The following STX8 variants were observed in gnomAD, a reference collection of about 807,000 sequenced individuals.
The protein encoded by STX8 is syntaxin 8, also known as syntaxin-8.
In STX8, 23 loss-of-function variants were observed where a neutral mutation model predicts 37.5. The ratio of observed to expected loss-of-function variants is 0.61; its 90% CI spans 0.44 to 0.87. The LOEUF (loss-of-function observed/expected upper bound fraction) is 0.87. Among genes scored for constraint, STX8 ranks in the 40% least tolerant of loss-of-function variants. The pLI is 0.00. For synonymous variants in STX8, 115 were observed against 99.1 expected (o/e 1.16, Z -0.95); for missense variants, 313 against 284.7 (o/e 1.10, Z -0.71).
At chr17:9,536,361 G>A (rs1023700305) in intron 4 of STX8, among the ~76,000 whole-genome samples, 12 of 152,116 alleles carry the variant, frequency 7.9e-5, no homozygotes, top group African/African-American at 2.9e-4. Context: ...AAGCCCTGAC[G>A]GCATCACTGG....
chr17:9,536,418 G>A (rs1005047601), intron 4 of STX8, among the ~76,000 whole-genome samples: 3 of 152,108 alleles, frequency 2.0e-5, no homozygotes, highest in Admixed American at 6.6e-5. Flanking sequence ...CTTACTTCAC[G>A]GGATGTTTTT....
intron 7 of STX8, among the ~76,000 whole-genome samples, chr17:9,307,297 C>T (rs578096137): frequency 6.6e-6 from 1 of 152,318 alleles, no homozygotes; most frequent in South Asian, 2.1e-4. Flanking sequence ...ACTAGGCTGA[C>T]GATCCTGACT....
rs540467784 is a variant in STX8 at position 9,458,182 on chromosome 17, C to T, written c.541+33647G>A. 3.9e-5 allele frequency among the ~76,000 whole-genome samples: 6 copies of T among 152,312 alleles called. No individual in the cohort carries two copies. In the South Asian group the frequency reaches 8.3e-4, roughly 21 times the overall value. Reference sequence around the variant, plus strand: ...TTTATTTTTTTGAGATGGAGTCTCGCTCTGTCGTCCAGGCTGGAGTGCAGT... The same window carrying T: ...TTTATTTTTTTGAGATGGAGTCTCGTTCTGTCGTCCAGGCTGGAGTGCAGT... On this transcript the variant is annotated intron_variant, in intron 6 of 7. Transcript: ENST00000306357.
At position 9,396,146 on chromosome 17, in the gene STX8, A is replaced by T. The variant is rs1027627646; in HGVS notation, c.542-17493T>A. ...ATTTTCCATTATTTTAGAAGACTGG[A>T]ATCCTGATGATAATGTGCTCAGCTC... On this transcript the variant is annotated intron_variant, in intron 6 of 7. Transcript: ENST00000306357. 2.3e-4 allele frequency among the ~76,000 whole-genome samples: 35 copies of T among 152,242 alleles called. 1 individual carries two copies.
chr17:9,539,663 AC>A (rs112638421), intron 4 of STX8, among the ~76,000 whole-genome samples: 5,236 of 149,842 alleles, frequency 0.035, 117 homozygotes, highest in Non-Finnish European at 0.053. Context: ...AACCCAACTG[AC>A]CCCCCCCACC....
In STX8 at chr17:9,455,567, A is replaced by G. The variant is rs910133197; in HGVS notation, c.541+36262T>C. On this transcript the variant is annotated intron_variant, in intron 6 of 7. Coordinates refer to ENST00000306357, the MANE Select transcript of STX8 (RefSeq NM_004853.3). ...AATAGTGAAGGCTTTGGTGGCTACAAGAAAAGGCACAGCAAGGAAAATATT... is the reference window on the plus strand; with the variant it reads ...AATAGTGAAGGCTTTGGTGGCTACAGGAAAAGGCACAGCAAGGAAAATATT... Among the ~76,000 whole-genome samples the G allele has an allele frequency of 3.9e-5, 6 of 152,210 alleles. 1 individual carries two copies. The highest frequency in any genetic ancestry group is 2.6e-4 in the Admixed American group (4 of 15,276).
intron 7 of STX8, among the ~76,000 whole-genome samples, chr17:9,353,889 A>C (rs1261440841): frequency 1.3e-5 from 2 of 152,182 alleles, no homozygotes; most frequent in African/African-American, 4.8e-5. Context: ...TATTTTATCA[A>C]AATGATTAAT....
At chr17:9,455,709 G>A (rs953813272) in intron 6 of STX8, among the ~76,000 whole-genome samples, 5 of 152,044 alleles carry the variant, frequency 3.3e-5, no homozygotes, top group African/African-American at 1.2e-4. Context: ...GGGAAGAAAA[G>A]GAGAAACTTA....
intron 7 of STX8, among the ~76,000 whole-genome samples, chr17:9,280,093 C>T (rs1024710122): frequency 3.9e-5 from 6 of 152,088 alleles, no homozygotes; most frequent in Admixed American, 6.5e-5. Context: ...TGGTGGTGCA[C>T]GCCTCTAGTC....
chr17:9,328,056 C>T (rs1909837418), intron 7 of STX8, among the ~76,000 whole-genome samples: 1 of 150,994 alleles, frequency 6.6e-6, no homozygotes, highest in Non-Finnish European at 1.5e-5. Context: ...CTCCCCCCAC[C>T]CCCTCTCTCT....
At chr17:9,324,561 G>A (rs544728701) in intron 7 of STX8, among the ~76,000 whole-genome samples, 1 of 151,956 alleles carries the variant, frequency 6.6e-6, no homozygotes, top group African/African-American at 2.4e-5. Flanking sequence ...TCAGGAGTTC[G>A]AGACCAGCCT....
At chr17:9,337,001 T>C (rs1567789159) in intron 7 of STX8, among the ~76,000 whole-genome samples, 1 of 152,152 alleles carries the variant, frequency 6.6e-6, no homozygotes. Context: ...TGGAATGAGG[T>C]AGTCCTAACA....
At chr17:9,281,502 G>A (rs1907881444) in intron 7 of STX8, among the ~76,000 whole-genome samples, 1 of 152,062 alleles carries the variant, frequency 6.6e-6, no homozygotes, top group Non-Finnish European at 1.5e-5. Flanking sequence ...TTCTTCCACT[G>A]GGATTACAGA....
rs111247885 is a variant in STX8 at position 9,375,084 on chromosome 17, A to G, written c.643+3468T>C. ...GTCTCAAAAAAAAAAAAAAAAAAAAAAAGAAGAATTTTCTTTTTTCAGTAT... is the reference window on the plus strand; with the variant it reads ...GTCTCAAAAAAAAAAAAAAAAAAAAGAAGAAGAATTTTCTTTTTTCAGTAT... On this transcript the variant is annotated intron_variant, in intron 7 of 7. Transcript: ENST00000306357. Among the ~76,000 whole-genome samples, 625 of 149,286 alleles carry G rather than the reference A, an allele frequency of 4.2e-3. 3 individuals are homozygous for G. Among genetic ancestry groups the G allele is most frequent in the African/African-American group, 0.014 (558 of 39,414 alleles).
At chr17:9,350,332 T>A (rs1910664179) in intron 7 of STX8, among the ~76,000 whole-genome samples, 1 of 152,194 alleles carries the variant, frequency 6.6e-6, no homozygotes, top group Non-Finnish European at 1.5e-5. Context: ...AATTTTCCAT[T>A]TAATATTTTA....
chr17:9,347,581 C>T (rs545777751), intron 7 of STX8, among the ~76,000 whole-genome samples: 9 of 152,212 alleles, frequency 5.9e-5, no homozygotes, highest in African/African-American at 1.9e-4. Flanking sequence ...AGTGGCACGA[C>T]GTCAGCTCAT....
At chr17:9,536,105 T>C (rs541323930) in intron 4 of STX8, among the ~76,000 whole-genome samples, 1 of 152,360 alleles carries the variant, frequency 6.6e-6, no homozygotes, top group East Asian at 1.9e-4. Context: ...ATTACTTATG[T>C]TGAGGAGAAG....
chr17:9,509,762 C>A lies in STX8; in HGVS notation c.324-4600G>T, dbSNP rs539188963. On this transcript the variant is annotated intron_variant, in intron 4 of 7. Coordinates refer to ENST00000306357, the MANE Select transcript of STX8 (RefSeq NM_004853.3). ...AAAACAATAAAATGACAAGATAAGT[C>A]CTCACCTATTAATAATAACCTTGAA... Among the ~76,000 whole-genome samples, 18 of 151,720 alleles carry A rather than the reference C, an allele frequency of 1.2e-4. 1 individual carries two copies. The highest frequency in any genetic ancestry group is 1.2e-3 in the Admixed American group (18 of 15,204).
intron 7 of STX8, among the ~76,000 whole-genome samples, chr17:9,301,062 G>T (rs748622738): frequency 5.3e-5 from 8 of 151,888 alleles, no homozygotes; most frequent in Non-Finnish European, 8.8e-5. Context: ...TTGATCTCCT[G>T]ACCTCGTGAT....
Sources: allele counts gnomAD v4.1 joint callset (sites outside exome capture counted in the v4.1 genomes callset), GRCh38; gene constraint gnomAD v4.1.1; transcripts MANE v1.5; gene names NCBI Gene and HGNC (gene_info 2026-07-23, HGNC 2026-07-21).